Variants in MBD5 observed in about 807,000 individuals in gnomAD.
MBD5 encodes methyl-CpG-binding domain protein 5.
MBD5 carries 13 observed loss-of-function variants against 117.3 expected under a neutral mutation model. That is an observed-to-expected ratio of 0.11 (90% CI 0.07 to 0.18). The LOEUF (loss-of-function observed/expected upper bound fraction) is 0.18, where lower values mean the gene tolerates loss of function less well. Among genes scored for constraint, MBD5 ranks in the 10% least tolerant of loss-of-function variants. The pLI is 1.00. For missense variants in MBD5, 1,879 were observed against 2,093.8 expected (o/e 0.90, Z 2.00); for synonymous variants, 727 against 766.4 (o/e 0.95, Z 0.85).
At chr2:148,168,400 T>C (rs1249274792) in intron 1 of MBD5, among the ~76,000 whole-genome samples, 1 of 152,178 alleles carries the variant, frequency 6.6e-6, no homozygotes, top group Non-Finnish European at 1.5e-5. Context: ...ATTCTGGAAA[T>C]GTAGGCAATT....
intron 1 of MBD5, among the ~76,000 whole-genome samples, chr2:148,119,168 T>A (rs1335933830): frequency 6.6e-6 from 1 of 152,200 alleles, no homozygotes; most frequent in Non-Finnish European, 1.5e-5. Context: ...CTTCATGTCC[T>A]TACCAACATT....
intron 1 of MBD5, among the ~76,000 whole-genome samples, chr2:148,151,906 T>G (rs976207827): frequency 6.6e-6 from 1 of 152,100 alleles, no homozygotes; most frequent in Admixed American, 6.6e-5. Context: ...CTGGATTCAT[T>G]AATTTTTGAA....
At chr2:148,049,134 G>A (rs1312976503) in intron 1 of MBD5, among the ~76,000 whole-genome samples, 13 of 152,166 alleles carry the variant, frequency 8.5e-5, no homozygotes, top group Non-Finnish European at 1.6e-4. Flanking sequence ...GTGATGGATT[G>A]ACTGGACTGT....
chr2:148,339,916 C>A (rs1359923053), intron 3 of MBD5, among the ~76,000 whole-genome samples: 1 of 152,020 alleles, frequency 6.6e-6, no homozygotes, highest in Non-Finnish European at 1.5e-5. Context: ...CATAACTATA[C>A]CTGCTGTGTA....
At chr2:148,102,729 CAGAGAGAGAGAGAG>C (rs70992193) in intron 1 of MBD5, among the ~76,000 whole-genome samples, 2 of 102,654 alleles carry the variant, frequency 1.9e-5, no homozygotes, top group African/African-American at 4.0e-5. Context: ...CACACACACA[CAGAGAGAGAGAGAG>C]AGAGAGAGAG....
At chr2:148,187,977 G>T (rs1158667457) in intron 2 of MBD5, among the ~76,000 whole-genome samples, 1 of 152,230 alleles carries the variant, frequency 6.6e-6, no homozygotes, top group African/African-American at 2.4e-5. Flanking sequence ...ATATGTAGAA[G>T]TAAAATATAT....
At chr2:148,474,960 G>A (rs1680911591) in intron 8 of MBD5, among the ~76,000 whole-genome samples, 1 of 152,070 alleles carries the variant, frequency 6.6e-6, no homozygotes. Context: ...GTTTTTTCTA[G>A]ATGAAGCTAC....
At chr2:148,138,933 T>C (rs1432876524) in intron 1 of MBD5, among the ~76,000 whole-genome samples, 1 of 152,216 alleles carries the variant, frequency 6.6e-6, no homozygotes, top group African/African-American at 2.4e-5. Context: ...ATATTTCTTC[T>C]CAGGAGATGC....
intron 1 of MBD5, among the ~76,000 whole-genome samples, chr2:148,024,254 T>C (rs1440374112): frequency 6.6e-6 from 1 of 152,256 alleles, no homozygotes; most frequent in Non-Finnish European, 1.5e-5. Flanking sequence ...TTGCACTTAT[T>C]GTAGGTTATT....
chr2:148,378,138 C>T (rs1204653305), intron 4 of MBD5, among the ~76,000 whole-genome samples: 1 of 152,058 alleles, frequency 6.6e-6, no homozygotes, highest in East Asian at 1.9e-4. Flanking sequence ...TCTTTTAATG[C>T]ATTCTACAGT....
intron 1 of MBD5, chr2:148,028,086 A>T (rs541191961): frequency 6.6e-6 from 1 of 152,076 alleles, no homozygotes; most frequent in Non-Finnish European, 1.5e-5. Context: ...AACTTATATT[A>T]TGGTATAATT....
intron 1 of MBD5, among the ~76,000 whole-genome samples, chr2:148,028,878 T>C (rs971020554): frequency 6.6e-6 from 1 of 152,104 alleles, no homozygotes; most frequent in Admixed American, 6.6e-5. Flanking sequence ...TCATTTTCCT[T>C]CTATATTTGT....
intron 2 of MBD5, among the ~76,000 whole-genome samples, chr2:148,186,111 C>T (rs1014923259): frequency 5.3e-5 from 8 of 152,178 alleles, no homozygotes; most frequent in East Asian, 1.9e-4. Flanking sequence ...GAAAGTAATA[C>T]GGTTTGGCTG....
chr2:148,355,362 A>G (rs1299961276), intron 4 of MBD5, among the ~76,000 whole-genome samples: 3 of 148,950 alleles, frequency 2.0e-5, no homozygotes, highest in Admixed American at 6.7e-5. Context: ...GTCCCTGCCT[A>G]TATCCTGAAT....
chr2:148,266,270 T>C (rs1244957774), intron 3 of MBD5, among the ~76,000 whole-genome samples: 1 of 152,006 alleles, frequency 6.6e-6, no homozygotes, highest in African/African-American at 2.4e-5. Flanking sequence ...ATCTGTAACA[T>C]TGAACAAATT....
intron 4 of MBD5, among the ~76,000 whole-genome samples, chr2:148,454,946 GC>G: frequency 6.6e-6 from 1 of 152,090 alleles, no homozygotes; most frequent in African/African-American, 2.4e-5. Flanking sequence ...GCTTAGGGTA[GC>G]ATTGTCATTT....
chr2:148,165,410 T>C (rs1698104829), intron 1 of MBD5, among the ~76,000 whole-genome samples: 1 of 152,078 alleles, frequency 6.6e-6, no homozygotes, highest in Non-Finnish European at 1.5e-5. Context: ...TTTAACCCAA[T>C]ATAGAAGCAT....
chr2:148,186,889 T>C (rs1364481402), intron 2 of MBD5, among the ~76,000 whole-genome samples: 1 of 152,204 alleles, frequency 6.6e-6, no homozygotes, highest in Non-Finnish European at 1.5e-5. Flanking sequence ...CATCTAATTG[T>C]ACACATATAC....
At chr2:148,291,502 G>A (rs1701500079) in intron 3 of MBD5, among the ~76,000 whole-genome samples, 2 of 152,054 alleles carry the variant, frequency 1.3e-5, no homozygotes, top group African/African-American at 4.8e-5. Context: ...ATTATTCATT[G>A]CCCGTTTAGA....
Sources: allele counts gnomAD v4.1 joint callset (sites outside exome capture counted in the v4.1 genomes callset), GRCh38; gene constraint gnomAD v4.1.1; transcripts MANE v1.5; gene names NCBI Gene and HGNC (gene_info 2026-07-23, HGNC 2026-07-21).